Variants in DNAH11 observed in about 807,000 individuals in gnomAD.
DNAH11 encodes the protein axonemal beta dynein heavy chain 11.
Under a neutral mutation model 526.0 loss-of-function variants are expected in DNAH11, and 442 were observed. That is an observed-to-expected ratio of 0.84 (90% CI 0.78 to 0.91). DNAH11 has a LOEUF of 0.91. DNAH11 is among the 40% of genes least tolerant of loss of function. The pLI is 0.00. For synonymous variants in DNAH11, 2,461 were observed against 1,935.9 expected (o/e 1.27, Z -7.12); for missense variants, 6,989 against 5,448.7 (o/e 1.28, Z -8.90).
intron 68 of DNAH11, among the ~76,000 whole-genome samples, chr7:21,856,782 AG>A (rs1782866665): frequency 1.2e-5 from 1 of 82,332 alleles, no homozygotes; most frequent in Non-Finnish European, 2.7e-5. Flanking sequence ...TCAACAAATG[AG>A]TTAAAAAAAA....
chr7:21,840,408 A>G (rs1303024526), intron 65 of DNAH11, among the ~76,000 whole-genome samples: 1 of 152,182 alleles, frequency 6.6e-6, no homozygotes, highest in Non-Finnish European at 1.5e-5. Context: ...CATCTATACA[A>G]TTTAAATATT....
Position 21,852,588 on chromosome 7 carries a change from G to C in DNAH11, c.11018G>C (p.Arg3673Thr), listed in dbSNP as rs1055037955. 1.2e-6 allele frequency: 2 copies of C among 1,606,162 alleles called. No individual in the cohort carries two copies. The highest frequency in any genetic ancestry group is 1.7e-5 in the Admixed American group (1 of 58,178). The change falls in exon 67 of 82, where the codon AGA (arginine) becomes ACA (threonine). Residue 3673 changes from arginine to threonine, a missense_variant. Coordinates refer to ENST00000409508, the MANE Select transcript of DNAH11 (RefSeq NM_001277115.2). ...SFLDDTKLVE[R>T]LEATKTTVAE... Reference sequence around the variant, plus strand: ...CTGGATGACACCAAACTGGTAGAGAGATTGGAGGCAACAAAGACCACCGTG... The same window carrying C: ...CTGGATGACACCAAACTGGTAGAGACATTGGAGGCAACAAAGACCACCGTG...
chr7:21,667,969 A>AT (rs1195285704), intron 30 of DNAH11, among the ~76,000 whole-genome samples: 1 of 152,154 alleles, frequency 6.6e-6, no homozygotes, highest in Non-Finnish European at 1.5e-5. Context: ...TGTTTCAATG[A>AT]TTTTATCATG....
intron 73 of DNAH11, among the ~76,000 whole-genome samples, chr7:21,871,188 G>A (rs576061633): frequency 1.8e-4 from 28 of 152,306 alleles, no homozygotes; most frequent in African/African-American, 6.7e-4. Context: ...TATTATAAAA[G>A]TAGCAGGCCG....
chr7:21,559,474 A>G (rs931183931), intron 3 of DNAH11, 129 bp from the exon 4 acceptor site: 1 of 787,954 alleles, frequency 1.3e-6, no homozygotes, highest in African/African-American at 1.8e-5. Flanking sequence ...CAAGACCATA[A>G]AAATAATGGA....
At chr7:21,828,854 G>A (rs991944366) in intron 65 of DNAH11, among the ~76,000 whole-genome samples, 4 of 147,768 alleles carry the variant, frequency 2.7e-5, no homozygotes, top group African/African-American at 1.0e-4. Flanking sequence ...GTTGAAGTTT[G>A]CTTTTATCTT....
intron 66 of DNAH11, among the ~76,000 whole-genome samples, chr7:21,845,357 CTG>C (rs1440394904): frequency 2.0e-5 from 3 of 151,914 alleles, no homozygotes; most frequent in Non-Finnish European, 2.9e-5. Context: ...ACATTTAGCT[CTG>C]TTGTATATTT....
At chr7:21,827,622 A>G (rs566226041) in intron 65 of DNAH11, among the ~76,000 whole-genome samples, 126 of 151,764 alleles carry the variant, frequency 8.3e-4, no homozygotes, top group Non-Finnish European at 9.4e-4. Flanking sequence ...AAAATTGGCT[A>G]ATAGAAATAT....
At chr7:21,626,134 C>T (rs1022731149) in intron 25 of DNAH11, among the ~76,000 whole-genome samples, 7 of 152,070 alleles carry the variant, frequency 4.6e-5, no homozygotes, top group Non-Finnish European at 1.0e-4. Context: ...TGTAGCCACC[C>T]TACTGATCTA....
chr7:21,811,877 G>A (rs545700572), intron 63 of DNAH11, among the ~76,000 whole-genome samples: 1 of 152,130 alleles, frequency 6.6e-6, no homozygotes, highest in Non-Finnish European at 1.5e-5. Flanking sequence ...AGGTTTCAAT[G>A]ATGAAATAAT....
chr7:21,739,687 T>A lies in DNAH11; in HGVS notation c.7914+14T>A, dbSNP rs1375542967. 6.3e-7 allele frequency: 1 copy of A among 1,591,552 alleles called. No homozygotes were observed. Among genetic ancestry groups the A allele is most frequent in the African/African-American group, 1.3e-5 (1 of 74,682 alleles). On this transcript the variant is annotated intron_variant, in intron 48 of 81. Transcript: ENST00000409508. ...CCCAGGCTACAGGTAGGGTGTTGAA[T>A]ACTGCTCTCAAAAACTGTAGGTCTG...
intron 28 of DNAH11, among the ~76,000 whole-genome samples, chr7:21,655,092 G>C (rs953376701): frequency 4.0e-5 from 6 of 151,314 alleles, no homozygotes; most frequent in Non-Finnish European, 7.4e-5. Flanking sequence ...AAATTGTCTG[G>C]AGCCTGCATA....
chr7:21,558,770 A>G, intron 2 of DNAH11, 32 bp from the exon 3 acceptor site: 1 of 1,498,476 alleles, frequency 6.7e-7, no homozygotes, highest in Non-Finnish European at 9.0e-7. Context: ...CATTGTCTGT[A>G]AATTAATTTA....
chr7:21,688,789 C>T (rs925706241), intron 34 of DNAH11, among the ~76,000 whole-genome samples: 2 of 151,792 alleles, frequency 1.3e-5, no homozygotes, highest in Non-Finnish European at 2.9e-5. Context: ...TTCCAAAAAG[C>T]AAAACACAGC....
At chr7:21,744,375 A>C in intron 49 of DNAH11, 63 bp from the exon 50 acceptor site, 1 of 1,547,216 alleles carries the variant, frequency 6.5e-7, no homozygotes, top group Non-Finnish European at 8.8e-7. Context: ...AAAAAGTGTT[A>C]AACTCATTTG....
intron 52 of DNAH11, among the ~76,000 whole-genome samples, chr7:21,749,039 A>T (rs937966436): frequency 6.6e-6 from 1 of 152,136 alleles, no homozygotes; most frequent in Non-Finnish European, 1.5e-5. Flanking sequence ...CTATTAATCA[A>T]ACCTGATGCG....
Position 21,590,923 on chromosome 7 carries a change from G to A in DNAH11, c.2175G>A (p.Val725=). ...TAATAATTGTATTTTAATAGCTAGTGGCTGTATTGAGAGAAGTGAAATATC... is the reference window on the plus strand; with the variant it reads ...TAATAATTGTATTTTAATAGCTAGTAGCTGTATTGAGAGAAGTGAAATATC... ...LLCVNFDPKL[V]AVLREVKYLL... is the part of the protein sequence containing the mutation. The change falls in exon 13 of 82, where the codon GTG becomes GTA. Residue 725 remains valine (V), a synonymous_variant. Coordinates refer to ENST00000409508, the MANE Select transcript of DNAH11 (RefSeq NM_001277115.2). 2 of 1,451,756 alleles carry A rather than the reference G, an allele frequency of 1.4e-6. No homozygotes were observed. The highest frequency in any genetic ancestry group is 9.1e-7 in the Non-Finnish European group (1 of 1,104,338). The allele number at this position is 1,451,756 out of a possible 1,614,324, so 89.9% of individuals were successfully genotyped here. A position where few individuals can be genotyped will look rare whatever the true frequency, so the allele number is the denominator to read the frequency against.
chr7:21,857,232 G>A (rs923185393), intron 68 of DNAH11, among the ~76,000 whole-genome samples: 15 of 152,146 alleles, frequency 9.9e-5, no homozygotes, highest in East Asian at 1.9e-4. Flanking sequence ...TTCCAAAGCC[G>A]TGAAGCTTTT....
intron 28 of DNAH11, among the ~76,000 whole-genome samples, chr7:21,641,396 G>A (rs1787126714): frequency 6.6e-6 from 1 of 152,162 alleles, no homozygotes; most frequent in Admixed American, 6.5e-5. Context: ...AGGCATGCAT[G>A]GAGGTAGAGG....
Sources: gnomAD v4.1 joint callset for allele counts (sites outside exome capture counted in the v4.1 genomes callset) on GRCh38, gnomAD v4.1.1 for gene constraint, MANE v1.5 for transcripts, NCBI Gene and HGNC (gene_info 2026-07-23, HGNC 2026-07-21) for gene names.